PADI2: variants seen among roughly 807,000 people sequenced by gnomAD.
PADI2 encodes the protein protein-arginine deiminase type-2.
PADI2 carries 70 observed loss-of-function variants against 81.1 expected under a neutral mutation model. That is an observed-to-expected ratio of 0.86 (90% CI 0.71 to 1.05). The LOEUF (loss-of-function observed/expected upper bound fraction) is 1.05, where lower values mean the gene tolerates loss of function less well. Among genes scored for constraint, PADI2 ranks in the 50% least tolerant of loss-of-function variants. PADI2 has a pLI of 0.00. For synonymous variants in PADI2, 338 were observed against 358.0 expected (o/e 0.94, Z 0.63); for missense variants, 853 against 889.9 (o/e 0.96, Z 0.53).
At chr1:17,077,440 C>T (rs1403458844) in intron 11 of PADI2, among the ~76,000 whole-genome samples, 1 of 152,184 alleles carries the variant, frequency 6.6e-6, no homozygotes, top group African/African-American at 2.4e-5. Flanking sequence ...AGGGCCGCCC[C>T]TGAGCTCCTC....
At chr1:17,072,794 T>TG (rs796093477) in intron 13 of PADI2, among the ~76,000 whole-genome samples, 8 of 152,352 alleles carry the variant, frequency 5.3e-5, no homozygotes, top group African/African-American at 1.9e-4. Flanking sequence ...AAGAGAAATC[T>TG]GGGGCACTGC....
intron 6 of PADI2, among the ~76,000 whole-genome samples, chr1:17,091,227 C>T (rs1930680303): frequency 6.8e-6 from 1 of 147,176 alleles, no homozygotes; most frequent in South Asian, 2.3e-4. Flanking sequence ...GGTGAATGCC[C>T]TGGATCTAGT....
intron 13 of PADI2, among the ~76,000 whole-genome samples, chr1:17,072,604 G>A (rs958730369): frequency 2.0e-5 from 3 of 152,074 alleles, no homozygotes; most frequent in Non-Finnish European, 2.9e-5. Flanking sequence ...CTGCACATCC[G>A]CGCATCCTCT....
At chr1:17,110,403 G>A (rs971383991) in intron 1 of PADI2, among the ~76,000 whole-genome samples, 2 of 152,138 alleles carry the variant, frequency 1.3e-5, no homozygotes, top group Non-Finnish European at 2.9e-5. Flanking sequence ...GCTCAGTGTA[G>A]TCTTTGGCAA....
chr1:17,069,337 G>T (rs2078248540), intron 15 of PADI2, 60 bp from the exon 16 acceptor site: 1 of 1,293,122 alleles, frequency 7.7e-7, no homozygotes, highest in Non-Finnish European at 1.1e-6. Flanking sequence ...GTACACACAT[G>T]CCTATCCTAA....
chr1:17,108,873 G>A (rs1931474606), intron 1 of PADI2, among the ~76,000 whole-genome samples: 1 of 152,240 alleles, frequency 6.6e-6, no homozygotes, highest in African/African-American at 2.4e-5. Flanking sequence ...CCAAAGCCAT[G>A]AGAGTCTGGG....
chr1:17,112,201 A>G (rs967086267), intron 1 of PADI2, among the ~76,000 whole-genome samples: 1 of 152,008 alleles, frequency 6.6e-6, no homozygotes, highest in African/African-American at 2.4e-5. Flanking sequence ...GTGGAAATGG[A>G]GAGAAATGGC....
chr1:17,084,833 G>T, intron 7 of PADI2, 131 bp from the exon 8 acceptor site: 1 of 602,704 alleles, frequency 1.7e-6, no homozygotes, highest in Non-Finnish European at 3.0e-6. Context: ...CCAAGCCTGT[G>T]CTAAGTACTT....
At chr1:17,092,964 G>GA (rs1022155316) in intron 5 of PADI2, among the ~76,000 whole-genome samples, 21 of 138,178 alleles carry the variant, frequency 1.5e-4, no homozygotes, top group South Asian at 2.3e-4. Flanking sequence ...AAAAAAAAAA[G>GA]AAAAAAAAAG....
rs1328439413 is a variant in PADI2 at position 17,098,692 on chromosome 1, A to G, written c.350-2722T>C. On this transcript the variant is annotated intron_variant, in intron 3 of 15. Transcript: ENST00000375486. ...TCCTCCCAGCCTCTCACAGGGCTTCATAACTCCTCTCTGATGACCCATGAC... is the reference window on the plus strand; with the variant it reads ...TCCTCCCAGCCTCTCACAGGGCTTCGTAACTCCTCTCTGATGACCCATGAC... Among the ~76,000 whole-genome samples the G allele has an allele frequency of 2.0e-5, 3 of 152,286 alleles. No individual in the cohort carries two copies. The East Asian group carries it at 5.8e-4, about 29-fold the overall frequency.
chr1:17,093,674 G>GCA lies in PADI2; in HGVS notation c.421_422insTG (p.Thr141MetfsTer14). The GCA allele has an allele frequency of 6.2e-7, 1 of 1,607,046 alleles. No individual in the cohort carries two copies. The highest frequency in any genetic ancestry group is 1.1e-5 in the South Asian group (1 of 90,838). On this transcript the variant is annotated frameshift_variant, in exon 5 of 16. Coordinates refer to ENST00000375486, the MANE Select transcript of PADI2 (RefSeq NM_007365.3). LOFTEE classifies it high-confidence loss of function. ...GGCCCCCTGGCCCTCGGGGCCCCAG[G>GCA]TCCAGGATGCCTACAGTGGCAGGAA...
chr1:17,083,858 GGAGAGGCCAGGAGAAAGGGT>G (rs761637297), intron 8 of PADI2, 21 bp from the exon 9 acceptor site: 15 of 1,434,914 alleles, frequency 1.0e-5, no homozygotes, highest in Non-Finnish European at 2.0e-6. Context: ...GGGGGAAGAA[GGAGAGGCCAGGAGAAAGGGT>G]GAGGAGGGGC....
rs199639325 is a variant in PADI2 at position 17,105,012 on chromosome 1, C to A, written c.142G>T (p.Val48Leu). ...CCATCACGCACCACCTCCACCCACA[C>A]GTGTTCCGAGTGCTTCAGGCTGAAG... ...QTFSLKHSEH[V>L]WVEVVRDGEA... Residue 48 changes from valine to leucine, a missense_variant, in exon 2 of 16, where the codon GTG becomes TTG. By Grantham distance (32) the Val-to-Leu change is conservative. Coordinates refer to ENST00000375486, the MANE Select transcript of PADI2 (RefSeq NM_007365.3). 10 of 1,606,652 alleles carry A rather than the reference C, an allele frequency of 6.2e-6. No homozygotes were observed. Among genetic ancestry groups the A allele is most frequent in the East Asian group, 4.5e-5 (2 of 44,530 alleles).
intron 3 of PADI2, among the ~76,000 whole-genome samples, chr1:17,100,324 G>T (rs563085280): frequency 6.6e-6 from 1 of 152,072 alleles, no homozygotes; most frequent in African/African-American, 2.4e-5. Flanking sequence ...TCATTCTGTC[G>T]CCGAGGCTGG....
At chr1:17,096,152 C>T (rs933321652) in intron 3 of PADI2, among the ~76,000 whole-genome samples, 182 bp from the exon 4 acceptor site, 1 of 152,180 alleles carries the variant, frequency 6.6e-6, no homozygotes, top group Non-Finnish European at 1.5e-5. Context: ...CACTGGAGAC[C>T]GTCAGCAGAC....
chr1:17,070,025 T>A, intron 15 of PADI2, 63 bp downstream of exon 15: 1 of 1,551,434 alleles, frequency 6.4e-7, no homozygotes, highest in South Asian at 1.2e-5. Flanking sequence ...AGCTGAGGGG[T>A]CCTTCTGGAT....
intron 10 of PADI2, among the ~76,000 whole-genome samples, chr1:17,080,630 T>C (rs1041301921): frequency 6.6e-6 from 1 of 152,170 alleles, no homozygotes; most frequent in African/African-American, 2.4e-5. Flanking sequence ...CAACCCAGTC[T>C]CAACCTGCCA....
intron 12 of PADI2, 100 bp downstream of exon 12, chr1:17,075,579 G>T: frequency 9.2e-7 from 1 of 1,092,464 alleles, no homozygotes; most frequent in Non-Finnish European, 1.3e-6. Context: ...CTTCCTTTAT[G>T]CTGTCGAGTT....
At chr1:17,084,862 T>C (rs1222771574) in intron 7 of PADI2, among the ~76,000 whole-genome samples, 160 bp from the exon 8 acceptor site, 1 of 152,240 alleles carries the variant, frequency 6.6e-6, no homozygotes, top group Non-Finnish European at 1.5e-5. Flanking sequence ...GCCAATTCTT[T>C]TCTGCCTTCC....
Sources: allele counts gnomAD v4.1 joint callset (sites outside exome capture counted in the v4.1 genomes callset), GRCh38; gene constraint gnomAD v4.1.1; transcripts MANE v1.5; gene names NCBI Gene and HGNC (gene_info 2026-07-23, HGNC 2026-07-21).